Variants in EPG5 observed in about 807,000 individuals in gnomAD.
The protein encoded by EPG5 is ectopic P granules protein 5 homolog.
Under a neutral mutation model 302.7 loss-of-function variants are expected in EPG5, and 159 were observed. The ratio of observed to expected loss-of-function variants is 0.53; its 90% CI spans 0.46 to 0.60. EPG5 has a LOEUF of 0.60. EPG5 is among the 20% of genes least tolerant of loss of function. EPG5 has a pLI of 0.00. For missense variants in EPG5, 2,896 were observed against 3,092.4 expected (o/e 0.94, Z 1.51); for synonymous variants, 1,158 against 1,136.8 (o/e 1.02, Z -0.37).
At chr18:45,837,108 T>A in the EPG5 span, 1 of 1,612,640 alleles carries the variant, frequency 6.2e-7, no homozygotes, top group Non-Finnish European at 8.5e-7. Context: ...TTTATTATTA[T>A]CACCATCTCG....
In EPG5 at chr18:45,954,911, T is replaced by A; in HGVS notation, c.491A>T (p.Gln164Leu). The change falls in exon 2 of 44, where the codon CAG (glutamine) becomes CTG (leucine). Residue 164 changes from glutamine to leucine, a missense_variant. Physicochemically the swap from Gln to Leu is moderately radical, Grantham distance 113. Transcript: ENST00000282041. ...SAPQSNFSYT[Q>L]PAMENIQVRE... ...GACTTGTATATTTTCCATTGCTGGCTGAGTATAAGAAAAATTAGATTGGGG... is the reference window on the plus strand; with the variant it reads ...GACTTGTATATTTTCCATTGCTGGCAGAGTATAAGAAAAATTAGATTGGGG... 1 of 1,613,730 alleles carries A rather than the reference T, an allele frequency of 6.2e-7. No individual in the cohort carries two copies. The highest frequency in any genetic ancestry group is 8.5e-7 in the Non-Finnish European group (1 of 1,179,862).
At chr18:45,838,816 T>C in the EPG5 span, 1 of 1,560,398 alleles carries the variant, frequency 6.4e-7, no homozygotes, top group Admixed American at 1.8e-5. Flanking sequence ...CGCCCTCGCC[T>C]GGTCCGGCCC....
Position 45,949,491 on chromosome 18 carries a change from A to G in EPG5, c.1490T>C (p.Phe497Ser), listed in dbSNP as rs765533344. The G allele has an allele frequency of 5.0e-6, 8 of 1,605,938 alleles. No individual in the cohort carries two copies. The highest frequency in any genetic ancestry group is 2.2e-5 in the South Asian group (2 of 90,530). The change falls in exon 5 of 44, where the codon TTT (phenylalanine) becomes TCT (serine). Residue 497 changes from phenylalanine (F) to serine (S), a missense_variant. Phe to Ser is a radical substitution (Grantham distance 155, BLOSUM62 -2). Transcript: ENST00000282041. ...GTTGATGATTCATCATACCTGGATA[A>G]AAGGAACAGCCCATTTACTAACACC... is the stretch of plus-strand genomic sequence containing the variant. ...PAGVSKWAVP[F>S]IQIKVLHNPS...
chr18:45,908,248 C>G (rs1404057515), intron 23 of EPG5, among the ~76,000 whole-genome samples, 167 bp from the exon 24 acceptor site: 1 of 151,992 alleles, frequency 6.6e-6, no homozygotes, highest in Non-Finnish European at 1.5e-5. Flanking sequence ...CCTGGTCCAG[C>G]AGGGGAGGCA....
In EPG5 at chr18:45,865,679, G is replaced by A; in HGVS notation, c.6702C>T (p.Thr2234=). The A allele has an allele frequency of 1.2e-6, 2 of 1,613,662 alleles. No homozygotes were observed. The highest frequency in any genetic ancestry group is 1.3e-5 in the African/African-American group (1 of 74,758). The change falls in exon 39 of 44, where the codon ACC becomes ACT. Residue 2234 remains threonine, a synonymous_variant. Coordinates refer to ENST00000282041, the MANE Select transcript of EPG5 (RefSeq NM_020964.3). ...LSTLEQNGKI[T]LAVLEQEMSK... ...ACATTTCCTGTTCTAGGACTGCTAA[G>A]GTGATTTTTCCATTTTGTTCCAGGG...
chr18:45,904,017 G>A lies in EPG5; in HGVS notation c.4430C>T (p.Pro1477Leu), dbSNP rs759500686. Residue 1477 changes from proline (P) to leucine (L), a missense_variant, in exon 25 of 44, where the codon CCC becomes CTC. This residue lies in a region of EPG5 where 790 missense variants were observed against 798.0 expected (regional missense o/e 0.99). Transcript: ENST00000282041. ...TQAKLESHSTPCSLSVQLDFT... is the reference protein window; with the variant it reads ...TQAKLESHSTLCSLSVQLDFT... The stretch of plus-strand genomic sequence containing the variant: ...GTCCAGCTGCACGGACAAACTGCAG[G>A]GTGTGGAATGGGACTCAAGCTTGGC... 5 of 1,612,652 alleles carry A rather than the reference G, an allele frequency of 3.1e-6. No homozygotes were observed. Among genetic ancestry groups the A allele is most frequent in the South Asian group, 1.1e-5 (1 of 90,836 alleles).
At chr18:45,965,598 A>T (rs540861200) in intron 1 of EPG5, among the ~76,000 whole-genome samples, 1 of 152,352 alleles carries the variant, frequency 6.6e-6, no homozygotes, top group African/African-American at 2.4e-5. Flanking sequence ...TCATGCTTAA[A>T]TTACACCTGC....
intron 31 of EPG5, among the ~76,000 whole-genome samples, chr18:45,881,438 T>C (rs1389271349): frequency 1.3e-5 from 2 of 152,224 alleles, no homozygotes; most frequent in Admixed American, 6.5e-5. Flanking sequence ...GCTTTCAAAA[T>C]GAGAGGCTGC....
chr18:45,939,188 A>G (rs2050606260), intron 10 of EPG5, among the ~76,000 whole-genome samples: 1 of 152,122 alleles, frequency 6.6e-6, no homozygotes, highest in African/African-American at 2.4e-5. Flanking sequence ...AGACCTTAAA[A>G]CCCTTACCGG....
In EPG5 at chr18:45,923,348, C is replaced by A. The variant is rs751746856; in HGVS notation, c.2758G>T (p.Ala920Ser). 3 of 1,613,922 alleles carry A rather than the reference C, an allele frequency of 1.9e-6. No individual in the cohort carries two copies. The highest frequency in any genetic ancestry group is 2.5e-6 in the Non-Finnish European group (3 of 1,179,944). ...TGATAAGCTTCAAGAACCATTAAAG[C>A]CACTTCAGCATGGACTGCTTGATCC... The part of the protein sequence containing the change: ...HLDQAVHAEV[A>S]LMVLEAYQKY... The change falls in exon 15 of 44, where the codon GCT becomes TCT. Residue 920 changes from alanine to serine, a missense_variant. By Grantham distance (99) the Ala-to-Ser change is moderately conservative (BLOSUM62 1). This residue lies in a region of EPG5 where 1,390 missense variants were observed against 1,430.0 expected (regional missense o/e 0.97). Coordinates refer to ENST00000282041, the MANE Select transcript of EPG5 (RefSeq NM_020964.3).
chr18:45,809,471 C>T, the EPG5 span, among the ~76,000 whole-genome samples: 1 of 152,054 alleles, frequency 6.6e-6, no homozygotes, highest in East Asian at 1.9e-4. Context: ...TATGATAGGC[C>T]ACAAAATGAG....
At chr18:45,889,473 C>T (rs1438790539) in intron 28 of EPG5, among the ~76,000 whole-genome samples, 1 of 152,180 alleles carries the variant, frequency 6.6e-6, no homozygotes, top group Non-Finnish European at 1.5e-5. Context: ...TATCATCTCA[C>T]AATTCAGGGG....
intron 22 of EPG5, among the ~76,000 whole-genome samples, 183 bp downstream of exon 22, chr18:45,912,103 AAGAC>A (rs1302492574): frequency 6.6e-6 from 1 of 152,204 alleles, no homozygotes; most frequent in Non-Finnish European, 1.5e-5. Context: ...AAGCTGCCAC[AAGAC>A]ACCAGCAACT....
intron 10 of EPG5, 68 bp downstream of exon 10, chr18:45,939,532 T>C (rs1018685565): frequency 1.3e-5 from 19 of 1,466,994 alleles, no homozygotes; most frequent in Non-Finnish European, 2.8e-6. Context: ...CTTAAGTGGC[T>C]TTCACCGAAT....
chr18:45,804,309 T>C, the EPG5 span, among the ~76,000 whole-genome samples: 16 of 152,082 alleles, frequency 1.1e-4, no homozygotes, highest in Non-Finnish European at 2.1e-4. Context: ...AGGTCTAACA[T>C]ACCTACAATT....
At chr18:45,858,963 T>C (rs990759110) in intron 40 of EPG5, among the ~76,000 whole-genome samples, 181 bp from the exon 41 acceptor site, 2 of 152,116 alleles carry the variant, frequency 1.3e-5, no homozygotes, top group Non-Finnish European at 2.9e-5. Flanking sequence ...AAAAGTCAAA[T>C]ATACCTCAGG....
chr18:45,837,434 G>C, the EPG5 span: 1 of 1,404,772 alleles, frequency 7.1e-7, no homozygotes, highest in African/African-American at 1.5e-5. Flanking sequence ...CGTTTCCTGG[G>C]TCGTGGGGTT....
the EPG5 span, chr18:45,842,315 T>C: frequency 0.2 from 184,359 of 917,916 alleles, 26,505 homozygotes; most frequent in African/African-American, 0.51. Context: ...GCTCCTCCCC[T>C]GCTCAAGGTC....
intron 16 of EPG5, among the ~76,000 whole-genome samples, chr18:45,919,514 G>GTT (rs758397737): frequency 4.8e-4 from 67 of 139,854 alleles, no homozygotes; most frequent in African/African-American, 6.3e-4. Context: ...TACATGTGTG[G>GTT]TTTTTTTTTT....
Sources: allele counts gnomAD v4.1 joint callset (sites outside exome capture counted in the v4.1 genomes callset), GRCh38; gene constraint gnomAD v4.1.1; regional missense constraint gnomAD v4.1.1; transcripts MANE v1.5; gene names NCBI Gene and HGNC (gene_info 2026-07-23, HGNC 2026-07-21).